The following SLC9A9 variants were observed in gnomAD, a reference collection of about 807,000 sequenced individuals.
The protein encoded by SLC9A9 is solute carrier family 9 member A9.
Under a neutral mutation model 77.8 loss-of-function variants are expected in SLC9A9, and 62 were observed. That is an observed-to-expected ratio of 0.80 (90% confidence interval 0.65 to 0.98). The LOEUF is 0.98. Among genes scored for constraint, SLC9A9 ranks in the 50% least tolerant of loss-of-function variants. SLC9A9 has a pLI of 0.00. For synonymous variants in SLC9A9, 320 were observed against 283.5 expected (o/e 1.13, Z -1.29); for missense variants, 775 against 774.9 (o/e 1.00, Z 0.00).
At chr3:143,525,971 A>G (rs1363989537) in intron 9 of SLC9A9, among the ~76,000 whole-genome samples, 1 of 152,222 alleles carries the variant, frequency 6.6e-6, no homozygotes, top group Non-Finnish European at 1.5e-5. Context: ...AAATGTCAAA[A>G]TATTAGCAGT....
At chr3:143,572,658 G>T (rs1450061897) in intron 8 of SLC9A9, among the ~76,000 whole-genome samples, 2 of 152,164 alleles carry the variant, frequency 1.3e-5, no homozygotes, top group Admixed American at 1.3e-4. Context: ...TAGATACAAA[G>T]GCCTGGTAGG....
intron 11 of SLC9A9, among the ~76,000 whole-genome samples, chr3:143,486,658 T>C (rs2035657075): frequency 6.6e-6 from 1 of 152,040 alleles, no homozygotes; most frequent in South Asian, 2.1e-4. Context: ...GACAGAGTTG[T>C]AAAGGAGGCA....
intron 7 of SLC9A9, among the ~76,000 whole-genome samples, chr3:143,576,450 G>A (rs1576587093): frequency 6.6e-6 from 1 of 152,308 alleles, no homozygotes; most frequent in Non-Finnish European, 1.5e-5. Flanking sequence ...TCGGGTGTAA[G>A]GTGAGGAGGA....
At chr3:143,710,452 G>C (rs1439278672) in intron 4 of SLC9A9, among the ~76,000 whole-genome samples, 1 of 152,160 alleles carries the variant, frequency 6.6e-6, no homozygotes, top group South Asian at 2.1e-4. Context: ...AAGGGGTTTA[G>C]AGGCTTATTC....
At chr3:143,691,581 A>C (rs990411747) in intron 5 of SLC9A9, among the ~76,000 whole-genome samples, 1 of 152,120 alleles carries the variant, frequency 6.6e-6, no homozygotes, top group Non-Finnish European at 1.5e-5. Context: ...AAACCACAAA[A>C]CTAAACAAAC....
In SLC9A9 at chr3:143,513,994, C is replaced by A. The variant is rs113481367; in HGVS notation, c.1090-18546G>T. Among the ~76,000 whole-genome samples, 1,336 of 152,162 alleles carry A rather than the reference C, an allele frequency of 8.8e-3. 18 individuals are homozygous for A. The highest frequency in any genetic ancestry group is 0.03 in the African/African-American group (1,239 of 41,464). On this transcript the variant is annotated intron_variant, in intron 9 of 15. Coordinates refer to ENST00000316549, the MANE Select transcript of SLC9A9 (RefSeq NM_173653.4). ...ATATCTCCTAATGCTATCCCTCCCC[C>A]GTCCCCCTACCCCAGGACAGGCCTC...
At chr3:143,804,325 C>T (rs1410751455) in intron 2 of SLC9A9, among the ~76,000 whole-genome samples, 2 of 152,152 alleles carry the variant, frequency 1.3e-5, no homozygotes, top group Non-Finnish European at 2.9e-5. Flanking sequence ...TCCTCCCAGG[C>T]CCTCTTCTTG....
At position 143,520,865 on chromosome 3, in the gene SLC9A9, C is replaced by T. The variant is rs77255949; in HGVS notation, c.1090-25417G>A. On this transcript the variant is annotated intron_variant, in intron 9 of 15. Coordinates refer to ENST00000316549, the MANE Select transcript of SLC9A9 (RefSeq NM_173653.4). ...GAACATTTTATGATATACTGATGGCCGTTAAGATTTCCTCTCCTACGAAAC... is the reference window on the plus strand; with the variant it reads ...GAACATTTTATGATATACTGATGGCTGTTAAGATTTCCTCTCCTACGAAAC... Among the ~76,000 whole-genome samples the T allele has an allele frequency of 2.2e-3, 334 of 152,156 alleles. 3 individuals are homozygous for T. The East Asian group carries it at 0.026, about 12-fold the overall frequency.
chr3:143,780,451 T>C (rs2108846903), intron 4 of SLC9A9, among the ~76,000 whole-genome samples: 1 of 152,350 alleles, frequency 6.6e-6, no homozygotes, highest in South Asian at 2.1e-4. Context: ...TGGGGATTGA[T>C]GATACAAAAG....
At chr3:143,305,535 A>C (rs1205567096) in intron 14 of SLC9A9, among the ~76,000 whole-genome samples, 5 of 152,338 alleles carry the variant, frequency 3.3e-5, no homozygotes, top group Middle Eastern at 3.4e-3. Context: ...TGCTTTGTTA[A>C]AAATTCACAA....
intron 5 of SLC9A9, among the ~76,000 whole-genome samples, chr3:143,664,875 C>G (rs1392917324): frequency 6.6e-6 from 1 of 152,150 alleles, no homozygotes; most frequent in Non-Finnish European, 1.5e-5. Context: ...GACTCCCACA[C>G]AATAATAATG....
At chr3:143,675,905 A>G (rs967707772) in intron 5 of SLC9A9, among the ~76,000 whole-genome samples, 6 of 151,686 alleles carry the variant, frequency 4.0e-5, no homozygotes, top group Non-Finnish European at 7.4e-5. Context: ...TCTTAAACTC[A>G]TATCTCCTCT....
chr3:143,432,416 T>C (rs564210345), intron 12 of SLC9A9, among the ~76,000 whole-genome samples: 1 of 152,090 alleles, frequency 6.6e-6, no homozygotes, highest in Non-Finnish European at 1.5e-5. Context: ...GCAAGTATTA[T>C]CAAATACAGG....
At chr3:143,482,564 AG>A (rs1304161850) in intron 11 of SLC9A9, among the ~76,000 whole-genome samples, 4 of 152,190 alleles carry the variant, frequency 2.6e-5, no homozygotes, top group African/African-American at 9.7e-5. Flanking sequence ...TTGTTAGACA[AG>A]CTCAGCAGCT....
At chr3:143,829,301 CT>C (rs1368194466) in intron 2 of SLC9A9, among the ~76,000 whole-genome samples, 1 of 152,150 alleles carries the variant, frequency 6.6e-6, no homozygotes, top group Non-Finnish European at 1.5e-5. Flanking sequence ...TTAGACTCTT[CT>C]CTTCACACTG....
At chr3:143,416,538 T>C (rs929942714) in intron 12 of SLC9A9, among the ~76,000 whole-genome samples, 2 of 152,202 alleles carry the variant, frequency 1.3e-5, no homozygotes, top group Non-Finnish European at 1.5e-5. Context: ...AAGTATTAGA[T>C]GATTAGCATT....
At chr3:143,665,001 G>C (rs922992906) in intron 5 of SLC9A9, among the ~76,000 whole-genome samples, 18 of 152,182 alleles carry the variant, frequency 1.2e-4, no homozygotes, top group Admixed American at 7.9e-4. Context: ...GACATCTACA[G>C]AACTCTCCAC....
chr3:143,658,674 T>C (rs930561097), intron 5 of SLC9A9, among the ~76,000 whole-genome samples: 4 of 152,214 alleles, frequency 2.6e-5, no homozygotes, highest in African/African-American at 9.6e-5. Flanking sequence ...TCCCTTTGAC[T>C]TCAAACATGG....
At chr3:143,742,954 C>G (rs1486528182) in intron 4 of SLC9A9, among the ~76,000 whole-genome samples, 2 of 152,064 alleles carry the variant, frequency 1.3e-5, no homozygotes, top group Admixed American at 1.3e-4. Flanking sequence ...CATTACACCT[C>G]TCCAAGGAAG....
Sources: allele counts gnomAD v4.1 joint callset (sites outside exome capture counted in the v4.1 genomes callset), GRCh38; gene constraint gnomAD v4.1.1; transcripts MANE v1.5; gene names NCBI Gene and HGNC (gene_info 2026-07-23, HGNC 2026-07-21).